The following ENC1 variants were observed in gnomAD, a reference collection of about 807,000 sequenced individuals.
ENC1 encodes the protein ectoderm-neural cortex protein 1.
In ENC1, 19 loss-of-function variants were observed where a neutral mutation model predicts 40.9. The ratio of observed to expected loss-of-function variants is 0.46; its 90% CI spans 0.32 to 0.68. The LOEUF is 0.68. ENC1 is among the 30% of genes least tolerant of loss of function. The probability of loss-of-function intolerance (pLI) is 0.03; values close to 1 mark genes in which losing one functional copy is unlikely to be tolerated. For missense variants in ENC1, 479 were observed against 737.5 expected, an observed-to-expected ratio of 0.65 and a Z score of 4.06; for synonymous variants, 285 against 291.1, an observed-to-expected ratio of 0.98 and a Z score of 0.21.
chr5:74,636,069 G>C lies in ENC1; in HGVS notation c.417C>G (p.Phe139Leu). 6.2e-7 allele frequency: 1 copy of C among 1,614,140 alleles called. No individual in the cohort carries two copies. Among genetic ancestry groups the C allele is most frequent in the Non-Finnish European group, 8.5e-7 (1 of 1,180,034 alleles). The stretch of plus-strand genomic sequence containing the variant: ...TGGTGGGATGCAGGTTCTTTTCCAG[G>C]AACTCTGCACATGCATCCCGGATGT... ...FQDIRDACAE[F>L]LEKNLHPTNC... The change falls in exon 2 of 3, where the codon TTC (phenylalanine) becomes TTG (leucine). Residue 139 changes from phenylalanine (F) to leucine (L), a missense_variant. Physicochemically the swap from Phe to Leu is conservative, Grantham distance 22. Transcript: ENST00000302351. This position sits in a 1 kb window ranked among gnomAD's most constrained non-coding sequence, Gnocchi z 4.8.
chr5:74,634,462 G>A (rs1747501463), intron 2 of ENC1, among the ~76,000 whole-genome samples: 1 of 152,114 alleles, frequency 6.6e-6, no homozygotes, highest in South Asian at 2.1e-4. Flanking sequence ...AGGAGATTCT[G>A]AGGCTCAGTA....
chr5:74,629,558 C>G lies in ENC1; in HGVS notation c.*467G>C, dbSNP rs1747320428. The G allele has an allele frequency of 6.6e-6, 1 of 152,296 alleles. No individual in the cohort carries two copies. The highest frequency in any genetic ancestry group is 1.5e-5 in the Non-Finnish European group (1 of 68,108). The allele number at this position is 152,296 out of a possible 1,614,324, so 9.4% of individuals were successfully genotyped here. ...CCAGCCAGCTTCCCTCTCGGACCCA[C>G]AGTTGGGCTTTGAATCTCCAGCAGC... On this transcript the variant is annotated 3_prime_UTR_variant, in exon 3 of 3. Coordinates refer to ENST00000302351, the MANE Select transcript of ENC1 (RefSeq NM_003633.4).
chr5:74,634,238 C>T (rs911419168), intron 2 of ENC1, among the ~76,000 whole-genome samples: 1 of 151,808 alleles, frequency 6.6e-6, no homozygotes, highest in African/African-American at 2.4e-5. Context: ...ATGGTGAAAC[C>T]CCGTCTCTAC....
chr5:74,635,882 G>C lies in ENC1; in HGVS notation c.604C>G (p.Leu202Val). 1 of 1,613,964 alleles carries C rather than the reference G, an allele frequency of 6.2e-7. No individual in the cohort carries two copies. Among genetic ancestry groups the C allele is most frequent in the Non-Finnish European group, 8.5e-7 (1 of 1,179,990 alleles). Residue 202 changes from leucine (L) to valine (V), a missense_variant, in exon 2 of 3, where the codon CTG (leucine) becomes GTG (valine). By Grantham distance (32) the Leu-to-Val change is conservative. Transcript: ENST00000302351. The surrounding 1 kb of genome is among the most constrained non-coding windows in gnomAD (Gnocchi z 5.5). ...ACAAGCCTTTCATCCTCTGTCTCCA[G>C]CTCTTCACTGGACAAGAGTTGCACT... ...MVVQLLSSEELETEDERLVYE... is the reference protein window; with the variant it reads ...MVVQLLSSEEVETEDERLVYE...
At position 74,634,720 on chromosome 5, in the gene ENC1, GA is replaced by G; in HGVS notation, c.1765del (p.Ser589LeufsTer7). 6.2e-7 allele frequency: 1 copy of G among 1,601,766 alleles called. No homozygotes were observed. Among genetic ancestry groups the G allele is most frequent in the Non-Finnish European group, 8.6e-7 (1 of 1,169,268 alleles). On this transcript the variant is annotated frameshift_variant, in exon 2 of 3. Coordinates refer to ENST00000302351, the MANE Select transcript of ENC1 (RefSeq NM_003633.4). LOFTEE classifies it high-confidence loss of function. ...TCTCTTTAGAATGTACTGCATTTAA[GA>G]AGGCAGATGTTTCCAGGTGCTGACA... ...AFVSTWKHLP[S>X] is the part of the protein sequence containing the mutation.
intron 2 of ENC1, among the ~76,000 whole-genome samples, chr5:74,632,923 A>G (rs1747443245): frequency 6.6e-6 from 1 of 152,194 alleles, no homozygotes; most frequent in African/African-American, 2.4e-5. Context: ...AATGAGCTGT[A>G]AGGGACAGGG....
In ENC1 at chr5:74,635,719, A is replaced by G. The variant is rs16872126; in HGVS notation, c.767T>C (p.Ile256Thr). The G allele has an allele frequency of 6.2e-7, 1 of 1,614,120 alleles. No homozygotes were observed. The highest frequency in any genetic ancestry group is 8.5e-7 in the Non-Finnish European group (1 of 1,180,020). Residue 256 changes from isoleucine (I) to threonine (T), a missense_variant, in exon 2 of 3, where the codon ATC becomes ACC. Ile to Thr is a moderately conservative substitution (Grantham distance 89, BLOSUM62 -1). Coordinates refer to ENST00000302351, the MANE Select transcript of ENC1 (RefSeq NM_003633.4). The surrounding 1 kb of genome is among the most constrained non-coding windows in gnomAD (Gnocchi z 5.5). ...TTCCTTACTCTTTCTCTGCTTGGTG[A>G]TGAGTTCCTCCATGGCCACATTCTC... ...LMENVAMEEL[I>T]TKQRKSKEIV...
rs1385300487 is a variant in ENC1, at chr5:74,628,252, CT to C, written c.*1772del. 2.6e-5 allele frequency: 4 copies of C among 152,616 alleles called. 1 individual carries two copies. The highest frequency in any genetic ancestry group is 2.6e-4 in the Admixed American group (4 of 15,282). 9.5% of individuals were successfully genotyped at this position (152,616 alleles called of 1,614,324 possible). A position where few individuals can be genotyped will look rare whatever the true frequency, so the allele number is the denominator to read the frequency against. ...GCATGGACGGACAAACACAATTAGT[CT>C]AAAGTACTAAGGTGGAGAGAAATGT... On this transcript the variant is annotated 3_prime_UTR_variant, in exon 3 of 3. Coordinates refer to ENST00000302351, the MANE Select transcript of ENC1 (RefSeq NM_003633.4).
At chr5:74,632,175 T>C (rs1353547849) in intron 2 of ENC1, 1 of 152,268 alleles carries the variant, frequency 6.6e-6, no homozygotes, top group African/African-American at 2.4e-5. Flanking sequence ...TGTCATTTTT[T>C]ATGTACCACC....
Position 74,635,735 on chromosome 5 carries a change from C to A in ENC1, c.751G>T (p.Ala251Ser). The A allele has an allele frequency of 6.2e-7, 1 of 1,614,146 alleles. No homozygotes were observed. Among genetic ancestry groups the A allele is most frequent in the South Asian group, 1.1e-5 (1 of 91,080 alleles). Residue 251 changes from alanine to serine, a missense_variant, in exon 2 of 3, where the codon GCC becomes TCC. Ala to Ser is a moderately conservative substitution (Grantham distance 99, BLOSUM62 1). Transcript: ENST00000302351. The surrounding 1 kb of genome is among the most constrained non-coding windows in gnomAD (Gnocchi z 5.5). ...TGCTTGGTGATGAGTTCCTCCATGG[C>A]CACATTCTCCATGAGATAGATGGCT... ...LPAIYLMENV[A>S]MEELITKQRK... is the part of the protein sequence containing the mutation.
At chr5:74,631,146 T>C (rs1459597380) in intron 2 of ENC1, among the ~76,000 whole-genome samples, 1 of 148,712 alleles carries the variant, frequency 6.7e-6, no homozygotes, top group Non-Finnish European at 1.5e-5. Flanking sequence ...AAATTGCATA[T>C]TCAAACAGGA....
Position 74,629,318 on chromosome 5 carries a change from T to C in ENC1, c.*707A>G, listed in dbSNP as rs1747311273. The C allele has an allele frequency of 6.6e-6, 1 of 152,178 alleles. No homozygotes were observed. Among genetic ancestry groups the C allele is most frequent in the Non-Finnish European group, 1.5e-5 (1 of 68,026 alleles). The allele number at this position is 152,178 out of a possible 1,614,324, so 9.4% of individuals were successfully genotyped here. A position where few individuals can be genotyped will look rare whatever the true frequency, so the allele number is the denominator to read the frequency against. ...ACGTCCATACATGTGAAGACAGCTGTAGGCATTGTTTCAGCATGCAGGCAT... is the reference window on the plus strand; with the variant it reads ...ACGTCCATACATGTGAAGACAGCTGCAGGCATTGTTTCAGCATGCAGGCAT... On this transcript the variant is annotated 3_prime_UTR_variant, in exon 3 of 3. Transcript: ENST00000302351.
intron 2 of ENC1, among the ~76,000 whole-genome samples, chr5:74,631,698 T>TTAACAC (rs1747399798): frequency 3.3e-5 from 5 of 150,062 alleles, no homozygotes; most frequent in Middle Eastern, 6.8e-3. Flanking sequence ...CACATATAAC[T>TTAACAC]TAACACTTTA....
intron 1 of ENC1, among the ~76,000 whole-genome samples, chr5:74,639,078 C>G (rs531276502): frequency 6.6e-6 from 1 of 152,324 alleles, no homozygotes; most frequent in Non-Finnish European, 1.5e-5. Context: ...AAGGAAGAGC[C>G]TAGCCTGTCA....
intron 2 of ENC1, 140 bp downstream of exon 2, chr5:74,634,544 G>C (rs1182830365): frequency 1.3e-5 from 8 of 599,526 alleles, no homozygotes; most frequent in Non-Finnish European, 1.8e-5. Context: ...ATAAGTTCTA[G>C]GGGCACCAGC....
In ENC1 at chr5:74,631,205, A is replaced by G. The variant is rs953867653; in HGVS notation, c.*33-1213T>C. Among the ~76,000 whole-genome samples the G allele has an allele frequency of 5.9e-5, 9 of 152,208 alleles. No individual in the cohort carries two copies. The East Asian group carries it at 1.7e-3, about 29-fold the overall frequency. The stretch of plus-strand genomic sequence containing the variant: ...ACACAACAACAACAACAACAACAAA[A>G]TCTAGAGAAGAAACAAAGCAAATCA... On this transcript the variant is annotated intron_variant, in intron 2 of 2. Coordinates refer to ENST00000302351, the MANE Select transcript of ENC1 (RefSeq NM_003633.4).
rs1747603101 is a variant in ENC1 at position 74,636,541 on chromosome 5, T to G, written c.-13-43A>C. 6 of 1,130,990 alleles carry G rather than the reference T, an allele frequency of 5.3e-6. No individual in the cohort carries two copies. The highest frequency in any genetic ancestry group is 1.6e-5 in the African/African-American group (1 of 63,646). The allele number at this position is 1,130,990 out of a possible 1,614,324, so 70.1% of individuals were successfully genotyped here. ...AATAAATTGAAAATGATGCTCCTGA[T>G]GTTCAGAACAGCAGAACGAAAGCAA... On this transcript the variant is annotated intron_variant, in intron 1 of 2. Coordinates refer to ENST00000302351, the MANE Select transcript of ENC1 (RefSeq NM_003633.4). This position sits in a 1 kb window ranked among gnomAD's most constrained non-coding sequence, Gnocchi z 4.8.
At chr5:74,637,969 C>G (rs1025028279) in intron 1 of ENC1, among the ~76,000 whole-genome samples, 4 of 152,156 alleles carry the variant, frequency 2.6e-5, no homozygotes, top group Non-Finnish European at 5.9e-5. Flanking sequence ...TCTTCAAAAA[C>G]TGAATCACAT....
chr5:74,634,593 C>T, intron 2 of ENC1, 91 bp downstream of exon 2: 1 of 664,276 alleles, frequency 1.5e-6, no homozygotes, highest in Non-Finnish European at 2.6e-6. Flanking sequence ...TTCTGCAGTA[C>T]AGTCTCTGTG....
Sources: allele counts gnomAD v4.1 joint callset (sites outside exome capture counted in the v4.1 genomes callset), GRCh38; gene constraint gnomAD v4.1.1; non-coding constraint Gnocchi (gnomAD v3.1); transcripts MANE v1.5; gene names NCBI Gene and HGNC (gene_info 2026-07-23, HGNC 2026-07-21).